MCM8: variants seen among roughly 807,000 people sequenced by gnomAD.
MCM8 encodes the protein DNA helicase MCM8.
Under a neutral mutation model 98.9 loss-of-function variants are expected in MCM8, and 85 were observed. The observed-to-expected ratio is 0.86, with a 90% CI of 0.72 to 1.03. The LOEUF (loss-of-function observed/expected upper bound fraction) is 1.03. Ranked by LOEUF, MCM8 falls within the 50% of genes least tolerant of loss-of-function variation. MCM8 has a pLI of 0.00. For synonymous variants in MCM8, 352 were observed against 338.6 expected, an observed-to-expected ratio of 1.04 and a Z score of -0.44; for missense variants, 951 against 997.8, an observed-to-expected ratio of 0.95 and a Z score of 0.63.
chr20:5,985,007 ATGTTT>A lies in MCM8; in HGVS notation c.1953+8_1953+12del. On this transcript the variant is annotated splice_region_variant and intron_variant, in intron 15 of 18. Transcript: ENST00000610722. ...ATTATCAGAAAGACTAAAGGTATAA[ATGTTT>A]CTTCTCCTTATTCAGTTTGGTTCTG... 1 of 1,604,938 alleles carries A rather than the reference ATGTTT, an allele frequency of 6.2e-7. No individual in the cohort carries two copies. The highest frequency in any genetic ancestry group is 2.2e-5 in the East Asian group (1 of 44,810).
Position 5,952,098 on chromosome 20 carries a change from C to G in MCM8, c.83C>G (p.Ser28Ter). 6.2e-7 allele frequency: 1 copy of G among 1,614,024 alleles called. No homozygotes were observed. The highest frequency in any genetic ancestry group is 1.1e-5 in the South Asian group (1 of 91,088). ...AGGGGAAGAGGTGGTGGGAACTTCT[C>G]AGGAAAATGGAGAGAAAGAGAACAC... ...WKRGRGGGNFSGKWREREHRP... is the reference protein window; with the variant it reads ...WKRGRGGGNF The change falls in exon 2 of 19, where the codon TCA (serine) becomes TGA (stop). Residue 28 changes from serine (S) to a stop codon, truncating the protein, a stop_gained. Coordinates refer to ENST00000610722, the MANE Select transcript of MCM8 (RefSeq NM_032485.6). LOFTEE classifies it high-confidence loss of function.
chr20:5,964,287 T>C (rs939327873), intron 8 of MCM8, among the ~76,000 whole-genome samples: 2 of 152,134 alleles, frequency 1.3e-5, no homozygotes, highest in Non-Finnish European at 2.9e-5. Context: ...AATGAGATGG[T>C]CCTAAGAACT....
intron 12 of MCM8, among the ~76,000 whole-genome samples, chr20:5,975,493 T>C (rs953348871): frequency 6.9e-6 from 1 of 144,240 alleles, no homozygotes; most frequent in East Asian, 2.0e-4. Context: ...TTCCTTTTTT[T>C]GCTCTTTTTT....
At chr20:5,958,874 G>T in intron 7 of MCM8, 148 bp downstream of exon 7, 1 of 733,762 alleles carries the variant, frequency 1.4e-6, no homozygotes. Flanking sequence ...AATACTTCAG[G>T]GTAAGAAAAA....
intron 15 of MCM8, 90 bp from the exon 16 acceptor site, chr20:5,985,832 C>A: frequency 7.6e-7 from 1 of 1,313,266 alleles, no homozygotes; most frequent in Non-Finnish European, 1.1e-6. Context: ...AGGCGTGAGC[C>A]ACTGCACCTG....
chr20:5,962,982 A>G (rs1668565220), intron 7 of MCM8, among the ~76,000 whole-genome samples: 1 of 152,226 alleles, frequency 6.6e-6, no homozygotes, highest in African/African-American at 2.4e-5. Context: ...GCATGGGCAC[A>G]GAGGAAGCAA....
chr20:5,991,506 A>T (rs2089851649), intron 17 of MCM8: 1 of 152,184 alleles, frequency 6.6e-6, no homozygotes, highest in African/African-American at 2.4e-5. Flanking sequence ...TGTAAACAGT[A>T]CCCACATGAC....
intron 5 of MCM8, among the ~76,000 whole-genome samples, chr20:5,956,831 G>C (rs1568569816): frequency 6.6e-6 from 1 of 151,608 alleles, no homozygotes; most frequent in Non-Finnish European, 1.5e-5. Context: ...TTAGTATCAA[G>C]AGGTGATGGT....
At position 5,985,938 on chromosome 20, in the gene MCM8, C is replaced by A. The variant is rs1338293928; in HGVS notation, c.1970C>A (p.Thr657Lys). 6.2e-7 allele frequency: 1 copy of A among 1,614,140 alleles called. No individual in the cohort carries two copies. Among genetic ancestry groups the A allele is most frequent in the African/African-American group, 1.3e-5 (1 of 75,048 alleles). The change falls in exon 16 of 19, where the codon ACA (threonine) becomes AAA (lysine). Residue 657 changes from threonine to lysine, a missense_variant. Physicochemically the swap from Thr to Lys is moderately conservative, Grantham distance 78. Transcript: ENST00000610722. ...SERLKVVPGE[T>K]IDPIPHQLLR... ...ATGCTTCAGGTGGTTCCTGGAGAAACAATAGATCCCATTCCCCACCAGCTA... is the reference window on the plus strand; with the variant it reads ...ATGCTTCAGGTGGTTCCTGGAGAAAAAATAGATCCCATTCCCCACCAGCTA...
intron 5 of MCM8, among the ~76,000 whole-genome samples, chr20:5,956,806 T>A (rs958259843): frequency 1.5e-5 from 2 of 134,406 alleles, no homozygotes; most frequent in Non-Finnish European, 3.4e-5. Flanking sequence ...TAGGAATGCA[T>A]TTTTTTTTTT....
At chr20:5,971,670 A>G (rs2089405997) in intron 10 of MCM8, among the ~76,000 whole-genome samples, 1 of 152,230 alleles carries the variant, frequency 6.6e-6, no homozygotes, top group African/African-American at 2.4e-5. Context: ...GTTCACATAA[A>G]ATACAATATA....
intron 10 of MCM8, among the ~76,000 whole-genome samples, chr20:5,970,704 A>G (rs529937164): frequency 2.3e-4 from 35 of 152,372 alleles, no homozygotes; most frequent in African/African-American, 8.4e-4. Flanking sequence ...ATATATTAAA[A>G]GGGAATAAAG....
In MCM8 at chr20:5,967,892, A is replaced by G. The variant is rs754395608; in HGVS notation, c.1090A>G (p.Asn364Asp). The G allele has an allele frequency of 1.9e-6, 3 of 1,613,908 alleles. No individual in the cohort carries two copies. In the South Asian group the frequency reaches 3.3e-5, roughly 18 times the overall value. ...LLYIEANSIS[N>D]SKGQKTKSSE... ...GTATATTGAAGCAAATTCTATTAGTAATAGCAAAGGACAGAAAACAAAGAG... is the reference window on the plus strand; with the variant it reads ...GTATATTGAAGCAAATTCTATTAGTGATAGCAAAGGACAGAAAACAAAGAG... The change falls in exon 10 of 19, where the codon AAT (asparagine) becomes GAT (aspartate). Residue 364 changes from asparagine (N) to aspartate (D), a missense_variant. By Grantham distance (23) the Asn-to-Asp change is conservative. Transcript: ENST00000610722.
At chr20:5,982,132 A>C (rs565675822) in intron 13 of MCM8, among the ~76,000 whole-genome samples, 21 of 152,270 alleles carry the variant, frequency 1.4e-4, no homozygotes, top group African/African-American at 4.3e-4. Context: ...ATGTGCCAGG[A>C]ATGTCATGTC....
Position 5,955,227 on chromosome 20 carries a change from T to G in MCM8, c.462T>G (p.Ala154=). The G allele has an allele frequency of 6.2e-7, 1 of 1,613,210 alleles. No homozygotes were observed. The highest frequency in any genetic ancestry group is 2.2e-5 in the East Asian group (1 of 44,838). ...ELRDAPEKTL[A]CMGLAIHQVL... ...GAGATGCACCTGAGAAAACCTTGGC[T>G]TGCATGGGTTTGGCAATACATCAGG... Residue 154 remains alanine (A), a synonymous_variant, in exon 5 of 19, where the codon GCT becomes GCG. Coordinates refer to ENST00000610722, the MANE Select transcript of MCM8 (RefSeq NM_032485.6).
At chr20:5,955,468 A>G (rs2088953923) in intron 5 of MCM8, among the ~76,000 whole-genome samples, 1 of 152,094 alleles carries the variant, frequency 6.6e-6, no homozygotes, top group South Asian at 2.1e-4. Context: ...TCTAAATGAA[A>G]TATTTACCTC....
intron 17 of MCM8, chr20:5,991,367 A>C (rs1179179775): frequency 5.3e-5 from 8 of 152,164 alleles, no homozygotes; most frequent in Admixed American, 5.2e-4. Context: ...TCCAAGAGGA[A>C]CTCTTAAGTG....
Position 5,952,124 on chromosome 20 carries a change from A to G in MCM8, c.109A>G (p.Arg37Gly), listed in dbSNP as rs200135380. 130 of 1,613,960 alleles carry G rather than the reference A, an allele frequency of 8.1e-5. No homozygotes were observed. Among genetic ancestry groups the G allele is most frequent in the Non-Finnish European group, 1.0e-4 (119 of 1,180,018 alleles). ...AGGAAAATGGAGAGAAAGAGAACAC[A>G]GACCTGATCTGAGTAAAACCACAGG... Reference protein sequence around the residue: ...FSGKWREREHRPDLSKTTGKR... With the variant: ...FSGKWREREHGPDLSKTTGKR... The change falls in exon 2 of 19, where the codon AGA (arginine) becomes GGA (glycine). Residue 37 changes from arginine (R) to glycine (G), a missense_variant. By Grantham distance (125) the Arg-to-Gly change is moderately radical. Transcript: ENST00000610722.
At chr20:5,985,451 A>C (rs1303258195) in intron 15 of MCM8, among the ~76,000 whole-genome samples, 2 of 151,822 alleles carry the variant, frequency 1.3e-5, no homozygotes, top group Non-Finnish European at 2.9e-5. Flanking sequence ...CAAAAAAAAA[A>C]AAAAAAAGGA....
Sources: allele counts gnomAD v4.1 joint callset (sites outside exome capture counted in the v4.1 genomes callset), GRCh38; gene constraint gnomAD v4.1.1; transcripts MANE v1.5; gene names NCBI Gene and HGNC (gene_info 2026-07-23, HGNC 2026-07-21).